KLF17: variants seen among roughly 807,000 people sequenced by gnomAD.
KLF17 encodes the protein KLF transcription factor 17, also known as Krueppel-like factor 17.
A neutral mutation model predicts 34.2 loss-of-function variants in KLF17; 31 were observed. The ratio of observed to expected loss-of-function variants is 0.91; its 90% CI spans 0.68 to 1.22. The LOEUF (loss-of-function observed/expected upper bound fraction) is 1.22, where lower values mean the gene tolerates loss of function less well. Among genes scored for constraint, KLF17 ranks in the 50% most tolerant of loss-of-function variants. KLF17 has a pLI of 0.00. For missense variants in KLF17, 478 were observed against 505.2 expected (o/e 0.95, Z 0.52); for synonymous variants, 179 against 186.7 (o/e 0.96, Z 0.34).
At chr1:44,044,274 G>T in the KLF17 span, among the ~76,000 whole-genome samples, 1 of 152,242 alleles carries the variant, frequency 6.6e-6, no homozygotes, top group Non-Finnish European at 1.5e-5. Context: ...TTGACAGAAA[G>T]TCTTGGGGAC....
rs777923330 is a variant in KLF17, at chr1:44,129,523, AG to A, written c.258del (p.Pro87HisfsTer12). 1.2e-6 allele frequency: 2 copies of A among 1,612,860 alleles called. No homozygotes were observed. The highest frequency in any genetic ancestry group is 2.2e-5 in the East Asian group (1 of 44,872). ...VEAPGQNVNE[G>X]GPQFSMPLPE... ...AGGCGCCGGGGCAGAATGTGAATGA[AG>A]GGGGGCCACAGTTCAGTATGCCACT... On this transcript the variant is annotated frameshift_variant, in exon 2 of 4. Coordinates refer to ENST00000372299, the MANE Select transcript of KLF17 (RefSeq NM_173484.4). LOFTEE classifies it high-confidence loss of function.
At chr1:44,058,496 G>A in the KLF17 span, among the ~76,000 whole-genome samples, 1 of 151,858 alleles carries the variant, frequency 6.6e-6, no homozygotes, top group Non-Finnish European at 1.5e-5. Flanking sequence ...TCACCATGTT[G>A]GTCAGGCTGG....
the KLF17 span, among the ~76,000 whole-genome samples, chr1:44,074,157 G>A: frequency 6.6e-6 from 1 of 151,888 alleles, no homozygotes; most frequent in Non-Finnish European, 1.5e-5. Flanking sequence ...ATCTGTCCAA[G>A]CAAACATTCA....
chr1:44,091,008 T>C, the KLF17 span, among the ~76,000 whole-genome samples: 3 of 152,026 alleles, frequency 2.0e-5, no homozygotes, highest in Non-Finnish European at 4.4e-5. Flanking sequence ...TGTCAGACTT[T>C]TTTGTTTTCA....
chr1:44,098,473 A>G, the KLF17 span, among the ~76,000 whole-genome samples: 1 of 118,552 alleles, frequency 8.4e-6, no homozygotes, highest in African/African-American at 3.0e-5. Flanking sequence ...TCTGATCTTT[A>G]TTATTATTTT....
the KLF17 span, among the ~76,000 whole-genome samples, chr1:44,102,906 T>G: frequency 6.6e-6 from 1 of 152,110 alleles, no homozygotes; most frequent in Non-Finnish European, 1.5e-5. Flanking sequence ...TATAATAAGC[T>G]TATTTATTTA....
the KLF17 span, among the ~76,000 whole-genome samples, chr1:44,085,334 A>G: frequency 1.3e-5 from 2 of 152,204 alleles, no homozygotes; most frequent in African/African-American, 2.4e-5. Context: ...GAGTATGTAC[A>G]TGGTAGACAG....
chr1:44,058,953 CTT>C, the KLF17 span, among the ~76,000 whole-genome samples: 2 of 152,078 alleles, frequency 1.3e-5, no homozygotes, highest in Non-Finnish European at 2.9e-5. Context: ...AACCAGGAGA[CTT>C]AGTCTTAGTA....
chr1:44,130,245 A>G (rs1355327151), intron 2 of KLF17, 49 bp downstream of exon 2: 2 of 1,558,632 alleles, frequency 1.3e-6, no homozygotes, highest in South Asian at 2.5e-5. Context: ...TCTGGGCTTT[A>G]GATTTGTCCT....
the KLF17 span, among the ~76,000 whole-genome samples, chr1:44,081,354 A>AAACG: frequency 2.0e-5 from 3 of 151,860 alleles, no homozygotes; most frequent in African/African-American, 7.3e-5. Context: ...CACTAGGTTT[A>AAACG]AACGAAGCTT....
chr1:44,087,436 A>T, the KLF17 span, among the ~76,000 whole-genome samples: 1 of 151,602 alleles, frequency 6.6e-6, no homozygotes, highest in African/African-American at 2.4e-5. Context: ...AAACAAAAAA[A>T]AATTTTTTTT....
At chr1:44,080,629 T>C in the KLF17 span, among the ~76,000 whole-genome samples, 1 of 152,124 alleles carries the variant, frequency 6.6e-6, no homozygotes, top group Non-Finnish European at 1.5e-5. Flanking sequence ...TAAAAGTATG[T>C]TGAATTTTTA....
chr1:44,096,867 A>T, the KLF17 span, among the ~76,000 whole-genome samples: 2 of 151,980 alleles, frequency 1.3e-5, no homozygotes, highest in Non-Finnish European at 2.9e-5. Context: ...TTTTGTTGCC[A>T]TTGCTTTTGG....
upstream of KLF17, among the ~76,000 whole-genome samples, chr1:44,117,995 G>A (rs780029108): frequency 6.6e-6 from 1 of 152,062 alleles, no homozygotes; most frequent in Admixed American, 6.5e-5. Flanking sequence ...CTCTGTCCTC[G>A]TGTCACTGTC....
intron 1 of KLF17, 152 bp downstream of exon 1, chr1:44,119,140 A>T: frequency 1.5e-5 from 3 of 201,320 alleles, no homozygotes; most frequent in Non-Finnish European, 2.8e-5. Context: ...GGAATGGGAG[A>T]TTGGGGAGGG....
At position 44,129,605 on chromosome 1, in the gene KLF17, A is replaced by G; in HGVS notation, c.334A>G (p.Ile112Val). The G allele has an allele frequency of 1.2e-6, 2 of 1,614,146 alleles. No individual in the cohort carries two copies. The highest frequency in any genetic ancestry group is 1.7e-6 in the Non-Finnish European group (2 of 1,180,028). The change falls in exon 2 of 4, where the codon ATT becomes GTT. Residue 112 changes from isoleucine (I) to valine (V), a missense_variant. Physicochemically the swap from Ile to Val is conservative, Grantham distance 29. Coordinates refer to ENST00000372299, the MANE Select transcript of KLF17 (RefSeq NM_173484.4). The stretch of plus-strand genomic sequence containing the variant: ...AGCGACTCTCACTCCTTCCCGGATG[A>G]TTTACTGTCAGAGAATGTCTCCCCC... ...PQATLTPSRM[I>V]YCQRMSPPQQ...
chr1:44,114,857 T>C (rs2087864969), upstream of KLF17: 1 of 152,250 alleles, frequency 6.6e-6, no homozygotes, highest in South Asian at 2.1e-4. Flanking sequence ...TATTTGTACA[T>C]GTAAACTTCA....
At chr1:44,080,854 A>G in the KLF17 span, among the ~76,000 whole-genome samples, 560 of 150,728 alleles carry the variant, frequency 3.7e-3, 6 homozygotes, top group African/African-American at 0.013. Flanking sequence ...AGCTGGGACT[A>G]TAGGCATGTG....
the KLF17 span, among the ~76,000 whole-genome samples, chr1:44,112,849 C>A: frequency 1.8e-4 from 27 of 152,326 alleles, 1 homozygote; most frequent in East Asian, 3.9e-3. Context: ...ATGTTCATGT[C>A]TATCTACCTC....
Sources: allele counts gnomAD v4.1 joint callset (sites outside exome capture counted in the v4.1 genomes callset), GRCh38; gene constraint gnomAD v4.1.1; transcripts MANE v1.5; gene names NCBI Gene and HGNC (gene_info 2026-07-23, HGNC 2026-07-21).